STK32B: variants seen among roughly 807,000 people sequenced by gnomAD.
STK32B encodes serine/threonine kinase 32B, also known as serine/threonine-protein kinase 32B.
Under a neutral mutation model 52.6 loss-of-function variants are expected in STK32B, and 43 were observed. That is an observed-to-expected ratio of 0.82 (90% CI 0.64 to 1.05). The LOEUF is 1.05. Ranked by LOEUF, STK32B falls within the 50% of genes least tolerant of loss-of-function variation. STK32B has a pLI of 0.00. For missense variants in STK32B, 621 were observed against 534.6 expected (o/e 1.16, Z -1.59); for synonymous variants, 238 against 204.3 (o/e 1.17, Z -1.41).
intron 4 of STK32B, among the ~76,000 whole-genome samples, chr4:5,374,311 C>T (rs913828509): frequency 1.3e-5 from 2 of 152,224 alleles, no homozygotes; most frequent in Non-Finnish European, 2.9e-5. Context: ...TGGAAATCAT[C>T]TGTACTACTA....
At chr4:5,492,702 G>C (rs1719847632) in intron 11 of STK32B, among the ~76,000 whole-genome samples, 1 of 151,182 alleles carries the variant, frequency 6.6e-6, no homozygotes, top group Non-Finnish European at 1.5e-5. Flanking sequence ...GTATGATATT[G>C]GCTGTGGGTT....
intron 11 of STK32B, among the ~76,000 whole-genome samples, chr4:5,477,424 G>T (rs1718326989): frequency 6.6e-6 from 1 of 152,118 alleles, no homozygotes; most frequent in African/African-American, 2.4e-5. Flanking sequence ...TCTGTCTAGA[G>T]ACACAGTCTA....
intron 4 of STK32B, among the ~76,000 whole-genome samples, chr4:5,364,049 AAATC>A (rs1159725380): frequency 6.6e-6 from 1 of 152,150 alleles, no homozygotes; most frequent in Admixed American, 6.5e-5. Context: ...TTTGAAAAAA[AAATC>A]AAACCATATC....
intron 2 of STK32B, among the ~76,000 whole-genome samples, chr4:5,142,392 A>G (rs574609646): frequency 1.3e-5 from 2 of 152,342 alleles, no homozygotes; most frequent in East Asian, 3.9e-4. Context: ...ACTAACCAGA[A>G]TGATATTGAG....
intron 1 of STK32B, among the ~76,000 whole-genome samples, chr4:5,079,025 C>G (rs1378415261): frequency 6.6e-6 from 1 of 152,194 alleles, no homozygotes; most frequent in Admixed American, 6.5e-5. Flanking sequence ...AAAAAGCGTT[C>G]TCATCACCCA....
intron 4 of STK32B, among the ~76,000 whole-genome samples, chr4:5,349,014 A>C (rs1418289849): frequency 6.6e-6 from 1 of 152,096 alleles, no homozygotes; most frequent in African/African-American, 2.4e-5. Context: ...TGCCACTACA[A>C]ATACCAGCAT....
chr4:5,417,725 T>C (rs1418938821), intron 6 of STK32B, among the ~76,000 whole-genome samples: 2 of 152,254 alleles, frequency 1.3e-5, no homozygotes, highest in African/African-American at 4.8e-5. Context: ...AATGTCTATA[T>C]TGTTATCAAT....
chr4:5,311,655 A>T (rs553667653), intron 3 of STK32B, among the ~76,000 whole-genome samples: 1 of 152,268 alleles, frequency 6.6e-6, no homozygotes, highest in South Asian at 2.1e-4. Flanking sequence ...TTGTGAACAC[A>T]TTTTTACTCA....
intron 5 of STK32B, 150 bp from the exon 6 acceptor site, chr4:5,416,695 A>T (rs959984821): frequency 5.7e-5 from 33 of 577,560 alleles, no homozygotes; most frequent in Non-Finnish European, 9.2e-5. Context: ...TGCACACAAA[A>T]TAAACATTTT....
intron 2 of STK32B, among the ~76,000 whole-genome samples, chr4:5,155,002 C>G (rs1268271221): frequency 6.6e-6 from 1 of 152,216 alleles, no homozygotes; most frequent in African/African-American, 2.4e-5. Flanking sequence ...GCCTGTTTTT[C>G]TGACTCTGCT....
chr4:5,335,493 A>G (rs145297763), intron 4 of STK32B, among the ~76,000 whole-genome samples: 2,944 of 151,400 alleles, frequency 0.019, 34 homozygotes, highest in South Asian at 0.057. Context: ...TTCTGCTCTG[A>G]TTTTAGTTAT....
intron 4 of STK32B, among the ~76,000 whole-genome samples, chr4:5,371,014 A>G (rs1440435727): frequency 1.4e-5 from 2 of 147,400 alleles, no homozygotes; most frequent in East Asian, 2.2e-4. Context: ...ATATATATGT[A>G]TATATATGTG....
intron 3 of STK32B, among the ~76,000 whole-genome samples, chr4:5,314,130 AT>A (rs1436428059): frequency 6.6e-6 from 1 of 152,010 alleles, no homozygotes; most frequent in African/African-American, 2.4e-5. Context: ...TGAAAAAAAA[AT>A]AAAGCAGGAG....
At chr4:5,101,266 C>T (rs1043398463) in intron 1 of STK32B, among the ~76,000 whole-genome samples, 8 of 152,144 alleles carry the variant, frequency 5.3e-5, no homozygotes, top group African/African-American at 9.7e-5. Context: ...GGGGCACACA[C>T]GGTGGCTTCC....
chr4:5,311,305 A>G (rs1450469647), intron 3 of STK32B, among the ~76,000 whole-genome samples: 1 of 152,194 alleles, frequency 6.6e-6, no homozygotes, highest in Non-Finnish European at 1.5e-5. Flanking sequence ...ATCATTACAC[A>G]TTGCATACAT....
chr4:5,463,537 C>G (rs57527357), intron 9 of STK32B, among the ~76,000 whole-genome samples: 1,794 of 152,128 alleles, frequency 0.012, 46 homozygotes, highest in African/African-American at 0.04. Flanking sequence ...CATATGCACA[C>G]GTGCCCCCAC....
intron 3 of STK32B, among the ~76,000 whole-genome samples, chr4:5,190,505 G>C (rs1318595492): frequency 1.3e-5 from 2 of 152,056 alleles, no homozygotes; most frequent in Non-Finnish European, 2.9e-5. Flanking sequence ...TGGTGTCATG[G>C]GTTCATTTAT....
chr4:5,145,096 A>C (rs757946214), intron 2 of STK32B, among the ~76,000 whole-genome samples: 2 of 152,176 alleles, frequency 1.3e-5, no homozygotes, highest in Non-Finnish European at 2.9e-5. Context: ...GGTTGACTGC[A>C]TACCCATATG....
the STK32B span, among the ~76,000 whole-genome samples, chr4:5,044,888 G>C: frequency 6.6e-6 from 1 of 152,170 alleles, no homozygotes; most frequent in Non-Finnish European, 1.5e-5. Context: ...TCCAGCCTCA[G>C]TGACAGAGTG....
Sources: gnomAD v4.1 joint callset for allele counts (sites outside exome capture counted in the v4.1 genomes callset) on GRCh38, gnomAD v4.1.1 for gene constraint, MANE v1.5 for transcripts, NCBI Gene and HGNC (gene_info 2026-07-23, HGNC 2026-07-21) for gene names.